The following PAPPA2 variants were observed in gnomAD, a reference collection of about 807,000 sequenced individuals.
PAPPA2 encodes the protein pappalysin-2.
A neutral mutation model predicts 176.4 loss-of-function variants in PAPPA2; 86 were observed. That is an observed-to-expected ratio of 0.49 (90% CI 0.41 to 0.58). The LOEUF (loss-of-function observed/expected upper bound fraction) is 0.58, where lower values mean the gene tolerates loss of function less well. PAPPA2 is among the 20% of genes least tolerant of loss of function. The pLI, the probability that PAPPA2 is intolerant of heterozygous loss-of-function variation, is 0.00. For synonymous variants in PAPPA2, 809 were observed against 852.2 expected (o/e 0.95, Z 0.88); for missense variants, 2,073 against 2,256.9 (o/e 0.92, Z 1.65).
At chr1:176,640,926 T>C (rs1196167052) in intron 3 of PAPPA2, among the ~76,000 whole-genome samples, 1 of 152,226 alleles carries the variant, frequency 6.6e-6, no homozygotes, top group Non-Finnish European at 1.5e-5. Flanking sequence ...TGATTTGCAT[T>C]TCTCTGATGG....
At chr1:176,670,212 T>C (rs112160371) in intron 3 of PAPPA2, among the ~76,000 whole-genome samples, 6 of 152,338 alleles carry the variant, frequency 3.9e-5, no homozygotes, top group African/African-American at 1.4e-4. Flanking sequence ...ACAGACCAAA[T>C]GTTTGTTTCC....
At chr1:176,713,170 T>C (rs1661218201) in intron 12 of PAPPA2, among the ~76,000 whole-genome samples, 1 of 152,072 alleles carries the variant, frequency 6.6e-6, no homozygotes, top group African/African-American at 2.4e-5. Flanking sequence ...TTTTTTTTTT[T>C]TAAGAGGCAG....
intron 3 of PAPPA2, among the ~76,000 whole-genome samples, chr1:176,637,384 C>A (rs1035512446): frequency 6.6e-6 from 1 of 152,076 alleles, no homozygotes; most frequent in Non-Finnish European, 1.5e-5. Flanking sequence ...GGAAGGATAA[C>A]CTGGATATAA....
intron 2 of PAPPA2, among the ~76,000 whole-genome samples, chr1:176,576,260 T>C (rs1652635488): frequency 6.6e-6 from 1 of 152,218 alleles, no homozygotes; most frequent in African/African-American, 2.4e-5. Flanking sequence ...TTCTTACTCT[T>C]TGCCAACTTA....
chr1:176,751,218 G>C (rs1470405575), intron 14 of PAPPA2, among the ~76,000 whole-genome samples: 1 of 151,918 alleles, frequency 6.6e-6, no homozygotes, highest in Non-Finnish European at 1.5e-5. Context: ...TTTGGTACCA[G>C]TACCATGCTG....
intron 20 of PAPPA2, among the ~76,000 whole-genome samples, chr1:176,798,163 G>T (rs542503196): frequency 6.6e-6 from 1 of 152,172 alleles, no homozygotes; most frequent in Non-Finnish European, 1.5e-5. Flanking sequence ...TATAAGGTGG[G>T]TATTGTCAAC....
In PAPPA2 at chr1:176,652,332, T is replaced by A. The variant is rs1249833664; in HGVS notation, c.1992-18638T>A. ...ATGTTTGCTTAGAGATTCTTTAAAA[T>A]GTATCTATTAATCTGTTGCTTTTCT... is the stretch of plus-strand genomic sequence containing the variant. On this transcript the variant is annotated intron_variant, in intron 3 of 22. Coordinates refer to ENST00000367662, the MANE Select transcript of PAPPA2 (RefSeq NM_020318.3). Among the ~76,000 whole-genome samples the A allele has an allele frequency of 1.3e-5, 2 of 151,810 alleles. 1 individual carries two copies.
chr1:176,718,154 G>C (rs1365517912), intron 12 of PAPPA2, among the ~76,000 whole-genome samples: 6 of 151,908 alleles, frequency 3.9e-5, no homozygotes, highest in Non-Finnish European at 8.8e-5. Context: ...CCTATCTTAA[G>C]TCAATTTTAA....
At chr1:176,773,437 A>T (rs1664322646) in intron 17 of PAPPA2, among the ~76,000 whole-genome samples, 1 of 152,194 alleles carries the variant, frequency 6.6e-6, no homozygotes, top group Non-Finnish European at 1.5e-5. Flanking sequence ...AAATTGAGAA[A>T]AGCAGAAGGG....
intron 12 of PAPPA2, among the ~76,000 whole-genome samples, chr1:176,715,552 C>A (rs942623292): frequency 6.6e-6 from 1 of 152,190 alleles, no homozygotes; most frequent in African/African-American, 2.4e-5. Flanking sequence ...TATCTCATAA[C>A]CATTCCCGAC....
intron 3 of PAPPA2, among the ~76,000 whole-genome samples, chr1:176,663,632 A>G (rs1305588934): frequency 6.6e-6 from 1 of 152,002 alleles, no homozygotes; most frequent in Non-Finnish European, 1.5e-5. Context: ...TATTTACTAT[A>G]TTTTCATATA....
At chr1:176,728,867 G>A (rs539326538) in intron 12 of PAPPA2, among the ~76,000 whole-genome samples, 1 of 151,856 alleles carries the variant, frequency 6.6e-6, no homozygotes, top group East Asian at 1.9e-4. Context: ...ATACTTTAAA[G>A]GCAATGAGAC....
chr1:176,667,588 A>G (rs1182950384), intron 3 of PAPPA2, among the ~76,000 whole-genome samples: 1 of 152,132 alleles, frequency 6.6e-6, no homozygotes, highest in African/African-American at 2.4e-5. Flanking sequence ...GAGAGGGATC[A>G]GGTCAAAGGT....
intron 17 of PAPPA2, among the ~76,000 whole-genome samples, chr1:176,772,742 A>T (rs1664290852): frequency 6.6e-6 from 1 of 152,230 alleles, no homozygotes; most frequent in African/African-American, 2.4e-5. Flanking sequence ...TGATTTTCAT[A>T]GCATCTAGAG....
intron 8 of PAPPA2, 46 bp downstream of exon 8, chr1:176,699,635 T>G (rs1660555359): frequency 6.5e-7 from 1 of 1,536,404 alleles, no homozygotes; most frequent in Non-Finnish European, 8.8e-7. Context: ...GCTCTGGGGG[T>G]GGGTTTTGTT....
chr1:176,512,630 G>A (rs1409740266), intron 1 of PAPPA2, among the ~76,000 whole-genome samples: 1 of 152,110 alleles, frequency 6.6e-6, no homozygotes, highest in Non-Finnish European at 1.5e-5. Context: ...AGGAACATGA[G>A]AAAGCTTTTT....
At chr1:176,529,587 T>TG (rs1222554900) in intron 1 of PAPPA2, among the ~76,000 whole-genome samples, 1 of 152,186 alleles carries the variant, frequency 6.6e-6, no homozygotes, top group Non-Finnish European at 1.5e-5. Context: ...AGAGAGCTAC[T>TG]GCACAAGCTG....
chr1:176,498,367 C>T (rs1349444693), intron 1 of PAPPA2, among the ~76,000 whole-genome samples: 1 of 152,112 alleles, frequency 6.6e-6, no homozygotes, highest in Non-Finnish European at 1.5e-5. Context: ...AGCATAGACA[C>T]CTATCACAAA....
At chr1:176,752,458 T>G (rs1345135410) in intron 14 of PAPPA2, among the ~76,000 whole-genome samples, 1 of 151,972 alleles carries the variant, frequency 6.6e-6, no homozygotes, top group Non-Finnish European at 1.5e-5. Context: ...TACATATAAT[T>G]AACATACCTG....
Sources: allele counts gnomAD v4.1 joint callset (sites outside exome capture counted in the v4.1 genomes callset), GRCh38; gene constraint gnomAD v4.1.1; transcripts MANE v1.5; gene names NCBI Gene and HGNC (gene_info 2026-07-23, HGNC 2026-07-21).